C4orf51: variants seen among roughly 807,000 people sequenced by gnomAD.
C4orf51 encodes uncharacterized protein C4orf51.
In C4orf51, 25 loss-of-function variants were observed where a neutral mutation model predicts 25.2. The observed-to-expected ratio is 0.99, with a 90% CI of 0.72 to 1.39. C4orf51 has a LOEUF of 1.39. Ranked by LOEUF, C4orf51 falls within the 40% of genes most tolerant of loss-of-function variation. The pLI, the probability that C4orf51 is intolerant of heterozygous loss-of-function variation, is 0.00. For synonymous variants in C4orf51, 100 were observed against 84.5 expected, an observed-to-expected ratio of 1.18 and a Z score of -1.01; for missense variants, 252 against 239.6, an observed-to-expected ratio of 1.05 and a Z score of -0.34.
intron 5 of C4orf51, 99 bp downstream of exon 5, chr4:145,730,064 T>C: frequency 1.0e-6 from 1 of 970,884 alleles, no homozygotes; most frequent in East Asian, 2.4e-5. Context: ...TGGTGGCCTG[T>C]GTATGTTTAG....
intron 1 of C4orf51, chr4:145,759,955 A>C (rs1223260868): frequency 6.6e-6 from 1 of 152,116 alleles, no homozygotes; most frequent in East Asian, 1.9e-4. Flanking sequence ...CACCGTACAC[A>C]TTTGTCTACG....
At chr4:145,768,916 T>TATATATATAAAAAA (rs34051922) in intron 1 of C4orf51, among the ~76,000 whole-genome samples, 1 of 34,416 alleles carries the variant, frequency 2.9e-5, no homozygotes, top group Non-Finnish European at 5.2e-5. Flanking sequence ...TATATATATA[T>TATATATATAAAAAA]TAGGTATACA....
At chr4:145,769,468 A>G (rs1430445236) in intron 1 of C4orf51, among the ~76,000 whole-genome samples, 1 of 152,212 alleles carries the variant, frequency 6.6e-6, no homozygotes, top group Non-Finnish European at 1.5e-5. Context: ...TTCAACTACC[A>G]TCTCTAAACA....
rs772809074 is a variant in C4orf51, at chr4:145,765,704, G to C, written n.167-5284G>C. ...GAGCTGAGAGGGAGGATGAAGAGGG[G>C]CTATTTGATTCGCTGGGGGTCTTCC... is the stretch of plus-strand genomic sequence containing the variant. On this transcript the variant is annotated intron_variant and non_coding_transcript_variant, in intron 1 of 1. Transcript: ENST00000510096. The surrounding 1 kb of genome is among the most constrained non-coding windows in gnomAD (Gnocchi z 4.7). The C allele has an allele frequency of 6.2e-7, 1 of 1,614,116 alleles. No individual in the cohort carries two copies. Among genetic ancestry groups the C allele is most frequent in the East Asian group, 2.2e-5 (1 of 44,876 alleles).
At chr4:145,786,038 C>T in the C4orf51 span, among the ~76,000 whole-genome samples, 1 of 152,148 alleles carries the variant, frequency 6.6e-6, no homozygotes, top group Admixed American at 6.5e-5. Flanking sequence ...AACAGCCAAT[C>T]CTCTCTGAGG....
downstream of C4orf51, among the ~76,000 whole-genome samples, chr4:145,735,702 A>G (rs1732767737): frequency 1.3e-5 from 2 of 152,114 alleles, no homozygotes; most frequent in Admixed American, 1.3e-4. Context: ...GTTTTTCCTT[A>G]TCTTCTTTCT....
chr4:145,764,920 CG>C (rs1560887303), intron 1 of C4orf51: 1 of 1,603,828 alleles, frequency 6.2e-7, no homozygotes, highest in Non-Finnish European at 8.5e-7. Context: ...CGGGAAGGGA[CG>C]GGGTAGGGAA....
downstream of C4orf51, chr4:145,775,770 T>A (rs1427623492): frequency 3.1e-6 from 5 of 1,613,988 alleles, no homozygotes; most frequent in Non-Finnish European, 4.2e-6. Flanking sequence ...CGGACTAGCA[T>A]GTTCCATCTG....
Position 145,680,400 on chromosome 4 carries a change from C to A in C4orf51, c.197C>A (p.Ser66Tyr). 1 of 1,613,916 alleles carries A rather than the reference C, an allele frequency of 6.2e-7. No individual in the cohort carries two copies. The highest frequency in any genetic ancestry group is 1.1e-5 in the South Asian group (1 of 91,074). ...GACAAGTCCATGTGCAGCCAATTTT[C>A]TTTTAGAGCAGGACAGCATGAGCCT... is the stretch of plus-strand genomic sequence containing the variant. ...QLDKSMCSQF[S>Y]FRAGQHEPEC... Residue 66 changes from serine (S) to tyrosine (Y), a missense_variant, in exon 1 of 6, where the codon TCT (serine) becomes TAT (tyrosine). By Grantham distance (144) the Ser-to-Tyr change is moderately radical. Coordinates refer to ENST00000438731, the MANE Select transcript of C4orf51 (RefSeq NM_001080531.3).
In C4orf51 at chr4:145,702,553, C is replaced by A. The variant is rs1387279425; in HGVS notation, c.307+5921C>A. ...CACCGTTCTCAACTACTCATACATGCCCTGCTCTTGTTTACACTGCCGGTT... is the reference window on the plus strand; with the variant it reads ...CACCGTTCTCAACTACTCATACATGACCTGCTCTTGTTTACACTGCCGGTT... On this transcript the variant is annotated intron_variant, in intron 2 of 5. Transcript: ENST00000438731. 3.3e-5 allele frequency among the ~76,000 whole-genome samples: 5 copies of A among 152,306 alleles called. No homozygotes were observed. In the East Asian group the frequency reaches 9.7e-4, roughly 29 times the overall value.
chr4:145,748,675 A>T (rs1166850007), intron 1 of C4orf51, among the ~76,000 whole-genome samples: 1 of 152,102 alleles, frequency 6.6e-6, no homozygotes, highest in Non-Finnish European at 1.5e-5. Context: ...ATTTCTATGT[A>T]TTTGTATAGT....
At chr4:145,691,167 C>A (rs992680497) in intron 1 of C4orf51, among the ~76,000 whole-genome samples, 1 of 152,082 alleles carries the variant, frequency 6.6e-6, no homozygotes, top group African/African-American at 2.4e-5. Flanking sequence ...GAAAACACAA[C>A]AAGTGGCCAA....
chr4:145,739,722 T>C (rs537674702), intron 1 of C4orf51, among the ~76,000 whole-genome samples: 1 of 152,366 alleles, frequency 6.6e-6, no homozygotes, highest in Admixed American at 6.5e-5. Flanking sequence ...CTACTTCTAA[T>C]ATCCACACTA....
chr4:145,715,420 C>G (rs1269695149), intron 2 of C4orf51, among the ~76,000 whole-genome samples: 1 of 152,188 alleles, frequency 6.6e-6, no homozygotes, highest in Non-Finnish European at 1.5e-5. Context: ...CAGGCACTCA[C>G]TCACTATTCT....
intron 2 of C4orf51, among the ~76,000 whole-genome samples, chr4:145,715,032 G>A (rs1731331131): frequency 6.6e-6 from 1 of 152,184 alleles, no homozygotes; most frequent in Non-Finnish European, 1.5e-5. Context: ...CAGTCTCATG[G>A]AGTTGGGTGG....
In C4orf51 at chr4:145,732,525, T is replaced by A. The variant is rs751663867; in HGVS notation, c.574T>A (p.Tyr192Asn). ...TTCAGAAGCTGATCGATACTCCGATTATGGCTGGGGAGGACCCTCATCGCC... is the reference window on the plus strand; with the variant it reads ...TTCAGAAGCTGATCGATACTCCGATAATGGCTGGGGAGGACCCTCATCGCC... ...EDSEADRYSD[Y>N]GWGGPSSPFN The change falls in exon 6 of 6, where the codon TAT (tyrosine) becomes AAT (asparagine). Residue 192 changes from tyrosine to asparagine, a missense_variant. Physicochemically the swap from Tyr to Asn is moderately radical, Grantham distance 143. Transcript: ENST00000438731. 4 of 1,611,006 alleles carry A rather than the reference T, an allele frequency of 2.5e-6. No individual in the cohort carries two copies. In the African/African-American group the frequency reaches 4.0e-5, roughly 16 times the overall value.
chr4:145,777,255 T>C, the C4orf51 span, among the ~76,000 whole-genome samples: 1 of 152,220 alleles, frequency 6.6e-6, no homozygotes, highest in Non-Finnish European at 1.5e-5. Context: ...TGTGTTTGTA[T>C]GAATAAGTGA....
intron 1 of C4orf51, 80 bp downstream of exon 1, chr4:145,680,516 G>C (rs1162550372): frequency 7.0e-6 from 7 of 1,003,990 alleles, no homozygotes; most frequent in Admixed American, 2.2e-5. Flanking sequence ...AGGTATTGTA[G>C]ACCCTGAGAG....
chr4:145,727,701 C>A lies in C4orf51; in HGVS notation c.366+732C>A, dbSNP rs1179563867. ...GACCAGCCTGACCAACATAGTGAAA[C>A]CCCATCTCTACTAAAAAAAAAAAAT... On this transcript the variant is annotated intron_variant, in intron 3 of 5. Coordinates refer to ENST00000438731, the MANE Select transcript of C4orf51 (RefSeq NM_001080531.3). 2.7e-5 allele frequency among the ~76,000 whole-genome samples: 4 copies of A among 149,552 alleles called. No individual in the cohort carries two copies. The East Asian group carries it at 7.8e-4, about 29-fold the overall frequency.
Sources: gnomAD v4.1 joint callset for allele counts (sites outside exome capture counted in the v4.1 genomes callset) on GRCh38, gnomAD v4.1.1 for gene constraint, Gnocchi (gnomAD v3.1) non-coding constraint, MANE v1.5 for transcripts, NCBI Gene and HGNC (gene_info 2026-07-23, HGNC 2026-07-21) for gene names.